CELF2: variants seen among roughly 807,000 people sequenced by gnomAD.
The protein encoded by CELF2 is CUGBP Elav-like family member 2, also known as CUG triplet repeat RNA-binding protein 2.
Under a neutral mutation model 62.6 loss-of-function variants are expected in CELF2, and 8 were observed. The ratio of observed to expected loss-of-function variants is 0.13; its 90% confidence interval spans 0.07 to 0.23. CELF2 has a LOEUF of 0.23. CELF2 is among the 10% of genes least tolerant of loss of function. The pLI, the probability that CELF2 is intolerant of heterozygous loss-of-function variation, is 1.00. For synonymous variants in CELF2, 258 were observed against 250.0 expected (o/e 1.03, Z -0.30); for missense variants, 333 against 671.0 (o/e 0.50, Z 5.56).
intron 1 of CELF2, among the ~76,000 whole-genome samples, chr10:10,817,261 T>C (rs1590742057): frequency 6.6e-6 from 1 of 152,370 alleles, no homozygotes; most frequent in South Asian, 2.1e-4. Flanking sequence ...GATGTTTTGA[T>C]ACAGGCATGC....
In CELF2 at chr10:11,309,384, C is replaced by T. The variant is rs559923711; in HGVS notation, c.977-4755C>T. ...CTGCACTGTGCCTCTGCTGTCACTC[C>T]TCAGAGGCCACAGCCTTGAGCTATG... On this transcript the variant is annotated intron_variant, in intron 9 of 12. Transcript: ENST00000633077. This position sits in a 1 kb window ranked among gnomAD's most constrained non-coding sequence, Gnocchi z 5.6. Among the ~76,000 whole-genome samples, 4 of 152,372 alleles carry T rather than the reference C, an allele frequency of 2.6e-5. No homozygotes were observed. The East Asian group carries it at 5.8e-4, about 22-fold the overall frequency.
At chr10:11,179,963 C>T (rs781739977) in intron 2 of CELF2, among the ~76,000 whole-genome samples, 3 of 152,248 alleles carry the variant, frequency 2.0e-5, no homozygotes, top group Middle Eastern at 3.4e-3. Context: ...AATGTTCACT[C>T]GGACTCCTAG....
Position 11,247,196 on chromosome 10 carries a change from C to T in CELF2, c.355-1957C>T, listed in dbSNP as rs1171880602. On this transcript the variant is annotated intron_variant, in intron 3 of 12. Transcript: ENST00000633077. The surrounding 1 kb of genome is among the most constrained non-coding windows in gnomAD (Gnocchi z 5.4). ...GATCTTGTTTCCTTTGTTACTTCTTCTGTACCTGACCACATACTTTCAGAC... is the reference window on the plus strand; with the variant it reads ...GATCTTGTTTCCTTTGTTACTTCTTTTGTACCTGACCACATACTTTCAGAC... 1.3e-5 allele frequency among the ~76,000 whole-genome samples: 2 copies of T among 152,238 alleles called. No individual in the cohort carries two copies. Among genetic ancestry groups the T allele is most frequent in the African/African-American group, 4.8e-5 (2 of 41,468 alleles).
At position 11,247,374 on chromosome 10, in the gene CELF2, C is replaced by T. The variant is rs987611067; in HGVS notation, c.355-1779C>T. Among the ~76,000 whole-genome samples the T allele has an allele frequency of 6.6e-6, 1 of 152,232 alleles. No homozygotes were observed. Among genetic ancestry groups the T allele is most frequent in the Admixed American group, 6.5e-5 (1 of 15,290 alleles). On this transcript the variant is annotated intron_variant, in intron 3 of 12. Transcript: ENST00000633077. The surrounding 1 kb of genome is among the most constrained non-coding windows in gnomAD (Gnocchi z 5.4). ...CTTCCTGGGTCACTGCGGGGCTGCC[C>T]CGTGAGTTTCACATGCCGGCCCCCC...
chr10:10,654,801 A>C, the CELF2 span, among the ~76,000 whole-genome samples: 93 of 150,046 alleles, frequency 6.2e-4, no homozygotes, highest in Non-Finnish European at 1.1e-3. Context: ...CCCTTTGAAA[A>C]CTGGCACAGG....
the CELF2 span, among the ~76,000 whole-genome samples, chr10:10,552,025 A>G: frequency 2.0e-5 from 3 of 152,066 alleles, no homozygotes; most frequent in Admixed American, 6.6e-5. Context: ...CCCAGAGAGG[A>G]GCACGTGGAA....
chr10:10,879,355 T>C (rs544963745), intron 1 of CELF2, among the ~76,000 whole-genome samples: 6 of 152,208 alleles, frequency 3.9e-5, no homozygotes, highest in Non-Finnish European at 7.3e-5. Context: ...TATTCTCAAA[T>C]GCAACCTGGT....
In CELF2 at chr10:10,924,724, C is replaced by CTTTTTTTTTTTTT. The variant is rs745848953; in HGVS notation, c.89+4731_89+4743dup. 1.1e-3 allele frequency among the ~76,000 whole-genome samples: 97 copies of CTTTTTTTTTTTTT among 89,150 alleles called. 6 individuals are homozygous for CTTTTTTTTTTTTT. Among genetic ancestry groups the CTTTTTTTTTTTTT allele is most frequent in the Middle Eastern group, 0.01 (1 of 98 alleles). 58.5% of individuals were successfully genotyped at this position (89,150 alleles called of 152,430 possible). A position where few individuals can be genotyped will look rare whatever the true frequency, so the allele number is the denominator to read the frequency against. ...GTATATTAATCCAGTAACTTGATCG[C>CTTTTTTTTTTTTT]TTTTTTTTTTTTTTTTTTGCCTTCT... On this transcript the variant is annotated intron_variant, in intron 2 of 13. Coordinates refer to the CELF2 transcript ENST00000636488.
chr10:10,755,089 G>A, the CELF2 span, among the ~76,000 whole-genome samples: 2 of 152,138 alleles, frequency 1.3e-5, no homozygotes. Context: ...ATGCCAGGAT[G>A]AAACTTGAAA....
chr10:10,758,743 G>A, the CELF2 span, among the ~76,000 whole-genome samples: 1 of 152,218 alleles, frequency 6.6e-6, no homozygotes, highest in Non-Finnish European at 1.5e-5. Context: ...ATTATAAGTA[G>A]CATCCAGTGT....
chr10:11,125,963 C>T (rs1011959506), intron 1 of CELF2, among the ~76,000 whole-genome samples: 1 of 152,134 alleles, frequency 6.6e-6, no homozygotes, highest in Admixed American at 6.6e-5. Context: ...TGTCAACACA[C>T]GCTTATAATT....
the CELF2 span, among the ~76,000 whole-genome samples, chr10:10,747,746 G>A: frequency 3.2e-4 from 48 of 152,226 alleles, no homozygotes; most frequent in East Asian, 2.5e-3. Context: ...TTGCTCTGTC[G>A]TCCAGGCTGG....
At chr10:11,241,059 A>T (rs191925081) in intron 3 of CELF2, among the ~76,000 whole-genome samples, 113 of 152,252 alleles carry the variant, frequency 7.4e-4, no homozygotes, top group African/African-American at 2.5e-3. Flanking sequence ...AATTCAGTTA[A>T]TGACCATGCA....
At chr10:11,131,125 T>A (rs186745435) in intron 1 of CELF2, among the ~76,000 whole-genome samples, 114 of 152,358 alleles carry the variant, frequency 7.5e-4, no homozygotes, top group Non-Finnish European at 1.4e-3. Flanking sequence ...AAAGTTTGAA[T>A]ATTTGATTTC....
the CELF2 span, among the ~76,000 whole-genome samples, chr10:10,783,102 A>T: frequency 2.7e-3 from 405 of 152,128 alleles, 2 homozygotes; most frequent in African/African-American, 9.1e-3. Context: ...AAGGGTTTTC[A>T]CTCTTTCTGG....
Position 11,325,937 on chromosome 10 carries a change from A to C in CELF2, c.1396A>C (p.Lys466Gln). Reference protein sequence around the residue: ...FMPFGNVISAKVFIDKQTNLS... With the variant: ...FMPFGNVISAQVFIDKQTNLS... ...GCCTTTTGGAAATGTTATCTCTGCT[A>C]AAGTCTTCATTGACAAACAGACCAA... Residue 466 changes from lysine to glutamine, a missense_variant, in exon 12 of 13, where the codon AAA (lysine) becomes CAA (glutamine). This residue lies in a region of CELF2 where 35 missense variants were observed against 128.1 expected (regional missense o/e 0.27). Transcript: ENST00000633077. 1 of 1,614,120 alleles carries C rather than the reference A, an allele frequency of 6.2e-7. No homozygotes were observed. The highest frequency in any genetic ancestry group is 8.5e-7 in the Non-Finnish European group (1 of 1,179,988).
chr10:10,758,985 G>A, the CELF2 span, among the ~76,000 whole-genome samples: 85,371 of 152,034 alleles, frequency 0.56, 24,699 homozygotes, highest in African/African-American at 0.7. Context: ...CTAATTGTCA[G>A]AGAGTCCTCT....
At chr10:11,212,124 C>T (rs2135724379) in intron 2 of CELF2, among the ~76,000 whole-genome samples, 1 of 152,268 alleles carries the variant, frequency 6.6e-6, no homozygotes, top group South Asian at 2.1e-4. Context: ...GATTGCTTTC[C>T]AAGCTGAACA....
At chr10:10,552,548 TA>T in the CELF2 span, among the ~76,000 whole-genome samples, 19 of 152,172 alleles carry the variant, frequency 1.2e-4, no homozygotes, top group Admixed American at 1.2e-3. Context: ...ATAAAAAAGC[TA>T]AATGTTTCCA....
Sources: allele counts gnomAD v4.1 joint callset (sites outside exome capture counted in the v4.1 genomes callset), GRCh38; gene constraint gnomAD v4.1.1; regional missense constraint gnomAD v4.1.1; non-coding constraint Gnocchi (gnomAD v3.1); transcripts MANE v1.5; gene names NCBI Gene and HGNC (gene_info 2026-07-23, HGNC 2026-07-21).